Variants in MILR1 observed in about 807,000 individuals in gnomAD.
MILR1 encodes the protein mast cell immunoglobulin like receptor 1.
A neutral mutation model predicts 18.5 loss-of-function variants in MILR1; 31 were observed. The observed-to-expected ratio is 1.68, with a 90% CI of 1.26 to 2.26. The LOEUF is 2.26. MILR1 is among the 30% of genes most tolerant of loss of function. The pLI is 0.00. For missense variants in MILR1, 257 were observed against 157.4 expected (o/e 1.63, Z -3.38); for synonymous variants, 85 against 56.2 (o/e 1.51, Z -2.30).
At chr17:64,474,396 A>G in the MILR1 span, among the ~76,000 whole-genome samples, 20 of 151,822 alleles carry the variant, frequency 1.3e-4, no homozygotes, top group Non-Finnish European at 2.5e-4. Flanking sequence ...TTTTTTTGAG[A>G]CAGGGTCTTG....
chr17:64,484,528 C>T, the MILR1 span, among the ~76,000 whole-genome samples: 1 of 152,130 alleles, frequency 6.6e-6, no homozygotes, highest in African/African-American at 2.4e-5. Flanking sequence ...ACACAACATG[C>T]ACCTTTTAAC....
the MILR1 span, chr17:64,482,822 C>A: frequency 4.0e-6 from 3 of 747,240 alleles, no homozygotes; most frequent in South Asian, 4.4e-5. Context: ...TGCAAATATA[C>A]CAAAAAAATC....
At chr17:64,472,734 G>A (rs1470424967), downstream of MILR1, among the ~76,000 whole-genome samples, 1 of 152,062 alleles carries the variant, frequency 6.6e-6, no homozygotes, top group African/African-American at 2.4e-5. Context: ...CACACCCTAG[G>A]CGTGTAGCAG....
chr17:64,490,837 C>G, the MILR1 span: 2 of 1,613,450 alleles, frequency 1.2e-6, no homozygotes, highest in Non-Finnish European at 1.7e-6. Flanking sequence ...TGTAAAAGTT[C>G]GTGATCTCCT....
the MILR1 span, among the ~76,000 whole-genome samples, chr17:64,488,805 T>C: frequency 6.6e-6 from 1 of 151,988 alleles, no homozygotes; most frequent in African/African-American, 2.4e-5. Context: ...CTGTCTCTAC[T>C]AAAAATACAA....
intron 4 of MILR1, among the ~76,000 whole-genome samples, chr17:64,458,432 C>T (rs1187523935): frequency 5.9e-5 from 9 of 151,836 alleles, no homozygotes; most frequent in African/African-American, 9.7e-5. Flanking sequence ...AGACTGGTCT[C>T]GAACTCCTGG....
intron 4 of MILR1, among the ~76,000 whole-genome samples, chr17:64,459,350 T>G (rs2037370809): frequency 1.3e-5 from 2 of 152,124 alleles, no homozygotes; most frequent in African/African-American, 4.8e-5. Context: ...GGAGGATTGC[T>G]TGAGCCTGAG....
chr17:64,452,236 C>T (rs2037190655), intron 2 of MILR1, among the ~76,000 whole-genome samples: 1 of 151,814 alleles, frequency 6.6e-6, no homozygotes, highest in Non-Finnish European at 1.5e-5. Context: ...CCACACCCAA[C>T]TTCAAGAACT....
At chr17:64,496,522 A>T in the MILR1 span, 1 of 1,613,774 alleles carries the variant, frequency 6.2e-7, no homozygotes, top group Non-Finnish European at 8.5e-7. Flanking sequence ...GAGTTTCTGC[A>T]GAAACTAACC....
the MILR1 span, chr17:64,491,858 G>T: frequency 1.3e-5 from 4 of 302,154 alleles, no homozygotes; most frequent in East Asian, 9.8e-5. Context: ...ACACAATCTC[G>T]ATTGTTGCTG....
chr17:64,497,149 C>T, the MILR1 span: 74 of 683,124 alleles, frequency 1.1e-4, no homozygotes, highest in African/African-American at 1.3e-3. Context: ...CGTCCCCCGC[C>T]CACCATGGCG....
rs73332162 is a variant in MILR1, at chr17:64,464,599, C to T, written c.764-853C>T. 2.0e-3 allele frequency among the ~76,000 whole-genome samples: 311 copies of T among 152,150 alleles called. 1 individual carries two copies. Among genetic ancestry groups the T allele is most frequent in the African/African-American group, 7.2e-3 (298 of 41,494 alleles). Reference sequence around the variant, plus strand: ...TTCTTATAAAAAGTCCAGGTTCTTGCAAAAGTGGCATTAATATTTTTGATT... The same window carrying T: ...TTCTTATAAAAAGTCCAGGTTCTTGTAAAAGTGGCATTAATATTTTTGATT... On this transcript the variant is annotated intron_variant, in intron 5 of 9. Coordinates refer to ENST00000619286, the MANE Select transcript of MILR1 (RefSeq NM_001085423.2).
chr17:64,490,017 C>T, the MILR1 span, among the ~76,000 whole-genome samples: 24 of 152,156 alleles, frequency 1.6e-4, no homozygotes, highest in South Asian at 1.0e-3. Flanking sequence ...CTCCACCTCC[C>T]GGGTTCAAGC....
At chr17:64,477,579 C>T in the MILR1 span, among the ~76,000 whole-genome samples, 15 of 152,250 alleles carry the variant, frequency 9.9e-5, no homozygotes, top group Admixed American at 3.9e-4. Context: ...ACAGTCTACC[C>T]GCTAGAGTTC....
intron 3 of MILR1, among the ~76,000 whole-genome samples, chr17:64,453,638 C>T (rs972664453): frequency 6.6e-6 from 1 of 150,512 alleles, no homozygotes; most frequent in African/African-American, 2.5e-5. Flanking sequence ...GGGCCCCATC[C>T]GCTAGCACTC....
chr17:64,476,905 A>G, the MILR1 span, among the ~76,000 whole-genome samples: 90 of 152,276 alleles, frequency 5.9e-4, no homozygotes, highest in African/African-American at 2.0e-3. Flanking sequence ...AACTTTTGAA[A>G]TATTTTACAG....
the MILR1 span, chr17:64,485,490 TG>T: frequency 2.1e-5 from 11 of 519,514 alleles, no homozygotes; most frequent in Non-Finnish European, 3.4e-5. Context: ...GATAGCTGTC[TG>T]TTCACAATTA....
downstream of MILR1, among the ~76,000 whole-genome samples, chr17:64,472,833 C>T (rs2037710857): frequency 6.6e-6 from 1 of 152,070 alleles, no homozygotes; most frequent in South Asian, 2.1e-4. Flanking sequence ...TATTTTGAGC[C>T]CAGGTCTCAG....
intron 8 of MILR1, among the ~76,000 whole-genome samples, 179 bp from the exon 9 acceptor site, chr17:64,467,386 C>T (rs2037597664): frequency 6.6e-6 from 1 of 151,858 alleles, no homozygotes; most frequent in Non-Finnish European, 1.5e-5. Context: ...GTTGGGATTA[C>T]AGGCATGAGG....
Sources: allele counts gnomAD v4.1 joint callset (sites outside exome capture counted in the v4.1 genomes callset), GRCh38; gene constraint gnomAD v4.1.1; transcripts MANE v1.5; gene names NCBI Gene and HGNC (gene_info 2026-07-23, HGNC 2026-07-21).